Variants in CCDC171 observed in about 807,000 individuals in gnomAD.
The protein encoded by CCDC171 is coiled-coil domain containing 171.
Under a neutral mutation model 168.2 loss-of-function variants are expected in CCDC171, and 177 were observed. The observed-to-expected ratio is 1.05, with a 90% CI of 0.93 to 1.19. The LOEUF is 1.19. Ranked by LOEUF, CCDC171 falls within the 50% of genes most tolerant of loss-of-function variation. The pLI is 0.00. For synonymous variants in CCDC171, 687 were observed against 540.8 expected (o/e 1.27, Z -3.75); for missense variants, 1,991 against 1,539.0 (o/e 1.29, Z -4.91).
intron 21 of CCDC171, among the ~76,000 whole-genome samples, chr9:15,799,479 T>C (rs2135753786): frequency 6.6e-6 from 1 of 152,058 alleles, no homozygotes; most frequent in East Asian, 1.9e-4. Flanking sequence ...TAATTTTTAA[T>C]GTTTGTGGAA....
the CCDC171 span, among the ~76,000 whole-genome samples, chr9:16,105,975 C>A: frequency 6.6e-6 from 1 of 152,216 alleles, no homozygotes; most frequent in Non-Finnish European, 1.5e-5. Context: ...GCATTAACGA[C>A]CTGCTTTCAG....
chr9:15,563,516 A>G (rs1416681416), intron 1 of CCDC171, among the ~76,000 whole-genome samples: 1 of 152,210 alleles, frequency 6.6e-6, no homozygotes, highest in Non-Finnish European at 1.5e-5. Context: ...TGTAAGGATC[A>G]CAATGCTATA....
chr9:15,700,097 A>G (rs2051586157), intron 11 of CCDC171, among the ~76,000 whole-genome samples: 1 of 152,116 alleles, frequency 6.6e-6, no homozygotes, highest in Non-Finnish European at 1.5e-5. Context: ...AGCAGGGGGC[A>G]GTGCTCATCA....
chr9:15,660,851 G>C (rs913913019), intron 8 of CCDC171, among the ~76,000 whole-genome samples: 2 of 152,146 alleles, frequency 1.3e-5, no homozygotes, highest in Non-Finnish European at 2.9e-5. Flanking sequence ...CAGTAATGGG[G>C]TTGCTGGATC....
At position 15,597,150 on chromosome 9, in the gene CCDC171, C is replaced by A. The variant is rs555313060; in HGVS notation, c.675+2978C>A. On this transcript the variant is annotated intron_variant, in intron 6 of 25. Transcript: ENST00000380701. ...AATACCCTTTATTTCCTTCTCCTGC[C>A]CGATTGCCCTGGCCAGAACTTCCAA... Among the ~76,000 whole-genome samples, 10 of 151,990 alleles carry A rather than the reference C, an allele frequency of 6.6e-5. No homozygotes were observed. In the South Asian group the frequency reaches 1.9e-3, roughly 28 times the overall value.
intron 8 of CCDC171, among the ~76,000 whole-genome samples, chr9:15,657,689 C>A (rs141032573): frequency 8.5e-5 from 13 of 152,266 alleles, no homozygotes; most frequent in African/African-American, 3.1e-4. Flanking sequence ...TTGTAACTTA[C>A]ATTTTGTTGT....
At chr9:15,879,852 A>C (rs1477260116) in intron 24 of CCDC171, among the ~76,000 whole-genome samples, 1 of 152,136 alleles carries the variant, frequency 6.6e-6, no homozygotes, top group Non-Finnish European at 1.5e-5. Flanking sequence ...GATTGCATCA[A>C]ATATTATGTG....
At chr9:15,647,491 G>T (rs951298788) in intron 7 of CCDC171, among the ~76,000 whole-genome samples, 1 of 151,856 alleles carries the variant, frequency 6.6e-6, no homozygotes, top group Non-Finnish European at 1.5e-5. Flanking sequence ...AAAATTGCTA[G>T]ACCACTAGCA....
intron 7 of CCDC171, among the ~76,000 whole-genome samples, chr9:15,624,072 T>C (rs970562887): frequency 5.9e-5 from 9 of 152,184 alleles, no homozygotes; most frequent in Admixed American, 1.3e-4. Context: ...TAAATACTTA[T>C]GAAGAGTATT....
intron 21 of CCDC171, among the ~76,000 whole-genome samples, chr9:15,830,968 A>ATTTTTTTTTTT (rs71325936): frequency 8.1e-6 from 1 of 123,002 alleles, no homozygotes; most frequent in African/African-American, 3.1e-5. Flanking sequence ...CCATATCTTA[A>ATTTTTTTTTTT]TTTTTTTTTT....
intron 18 of CCDC171, among the ~76,000 whole-genome samples, chr9:15,760,410 A>T (rs944568960): frequency 6.6e-6 from 1 of 152,198 alleles, no homozygotes; most frequent in African/African-American, 2.4e-5. Context: ...AACGTGTTGG[A>T]TATACATTAA....
intron 11 of CCDC171, among the ~76,000 whole-genome samples, chr9:15,713,502 G>A (rs556037000): frequency 5.5e-4 from 83 of 152,240 alleles, no homozygotes; most frequent in Non-Finnish European, 9.4e-4. Flanking sequence ...GTGCTCTTGT[G>A]TATGCCAAAA....
At chr9:16,087,133 G>A in the CCDC171 span, among the ~76,000 whole-genome samples, 3 of 152,152 alleles carry the variant, frequency 2.0e-5, no homozygotes, top group Non-Finnish European at 2.9e-5. Flanking sequence ...ATTTGCTGAG[G>A]AGTGCTTTAC....
At chr9:15,665,289 T>A (rs2048653680) in intron 8 of CCDC171, among the ~76,000 whole-genome samples, 1 of 152,192 alleles carries the variant, frequency 6.6e-6, no homozygotes, top group Non-Finnish European at 1.5e-5. Context: ...GCCTCCAGAC[T>A]ATTTTGAAGT....
rs77820713 is a variant in CCDC171, at chr9:15,733,478, GT to G, written c.2049+3696del. On this transcript the variant is annotated intron_variant, in intron 16 of 25. Coordinates refer to ENST00000380701, the MANE Select transcript of CCDC171 (RefSeq NM_173550.4). ...AGGTGTGAGGTATCGATTAAGGTCA[GT>G]TTTTTTTTTTTTTTTGCGTATTCAT... Among the ~76,000 whole-genome samples, 437 of 124,658 alleles carry G rather than the reference GT, an allele frequency of 3.5e-3. 2 individuals are homozygous for G. The highest frequency in any genetic ancestry group is 5.7e-3 in the East Asian group (24 of 4,220). The allele number at this position is 124,658 out of a possible 152,430, so 81.8% of individuals were successfully genotyped here.
intron 10 of CCDC171, among the ~76,000 whole-genome samples, chr9:15,686,315 C>A (rs879273921): frequency 6.6e-6 from 1 of 152,090 alleles, no homozygotes; most frequent in Non-Finnish European, 1.5e-5. Context: ...AGTTGTGTGA[C>A]TTTAGTGATA....
intron 4 of CCDC171, among the ~76,000 whole-genome samples, chr9:15,583,812 A>G (rs546330537): frequency 6.8e-6 from 1 of 147,860 alleles, no homozygotes; most frequent in African/African-American, 2.5e-5. Context: ...GTCCTTGATT[A>G]AAAAAAAAAG....
intron 21 of CCDC171, among the ~76,000 whole-genome samples, chr9:15,833,515 A>G (rs930676415): frequency 2.0e-5 from 3 of 152,204 alleles, no homozygotes; most frequent in African/African-American, 4.8e-5. Flanking sequence ...TTCTTTAAAT[A>G]ATTTTCTCTG....
At chr9:15,601,212 G>A (rs577706627) in intron 6 of CCDC171, among the ~76,000 whole-genome samples, 4 of 152,284 alleles carry the variant, frequency 2.6e-5, no homozygotes, top group South Asian at 2.1e-4. Flanking sequence ...GAAATCATTC[G>A]TCTTTTGCAT....
Sources: gnomAD v4.1 joint callset for allele counts (sites outside exome capture counted in the v4.1 genomes callset) on GRCh38, gnomAD v4.1.1 for gene constraint, MANE v1.5 for transcripts, NCBI Gene and HGNC (gene_info 2026-07-23, HGNC 2026-07-21) for gene names.